The following SCAMP2 variants were observed in gnomAD, a reference collection of about 807,000 sequenced individuals.
SCAMP2 encodes the protein secretory carrier-associated membrane protein 2.
In SCAMP2, 25 loss-of-function variants were observed where a neutral mutation model predicts 44.1. The ratio of observed to expected loss-of-function variants is 0.57; its 90% CI spans 0.41 to 0.79. The LOEUF (loss-of-function observed/expected upper bound fraction) is 0.79, where lower values mean the gene tolerates loss of function less well. Among genes scored for constraint, SCAMP2 ranks in the 30% least tolerant of loss-of-function variants. The pLI is 0.00. For missense variants in SCAMP2, 355 were observed against 411.0 expected, an observed-to-expected ratio of 0.86 and a Z score of 1.18; for synonymous variants, 156 against 166.0, an observed-to-expected ratio of 0.94 and a Z score of 0.46.
At chr15:74,855,873 G>A (rs1169127579) in intron 1 of SCAMP2, among the ~76,000 whole-genome samples, 2 of 152,118 alleles carry the variant, frequency 1.3e-5, no homozygotes, top group African/African-American at 4.8e-5. Flanking sequence ...GGTTTCGGGG[G>A]TTTTTTAAAG....
chr15:74,850,256 A>ACC (rs1181086438), intron 6 of SCAMP2, among the ~76,000 whole-genome samples: 1 of 152,148 alleles, frequency 6.6e-6, no homozygotes. Flanking sequence ...GAGCAGTGGG[A>ACC]TGGGAGGTCC....
intron 7 of SCAMP2, among the ~76,000 whole-genome samples, chr15:74,847,908 G>C (rs2064410336): frequency 6.6e-6 from 1 of 152,174 alleles, no homozygotes; most frequent in Non-Finnish European, 1.5e-5. Context: ...TTGCAGCTCA[G>C]AGTCTGCAAA....
chr15:74,853,394 C>G (rs1478571000), intron 3 of SCAMP2: 1 of 456,434 alleles, frequency 2.2e-6, no homozygotes, highest in East Asian at 6.9e-5. Flanking sequence ...ATGTAGCTGT[C>G]TCTGAGAATA....
chr15:74,873,118 C>G (rs1029761457), intron 1 of SCAMP2, 81 bp downstream of exon 1: 4 of 1,251,464 alleles, frequency 3.2e-6, no homozygotes, highest in South Asian at 3.7e-5. Flanking sequence ...CGCCACGTCT[C>G]CCGGCTCTAG....
At chr15:74,857,985 T>C (rs941386494) in intron 1 of SCAMP2, among the ~76,000 whole-genome samples, 2 of 152,180 alleles carry the variant, frequency 1.3e-5, no homozygotes, top group Non-Finnish European at 2.9e-5. Context: ...GGCACCTGCA[T>C]CACAGCAGTA....
Position 74,852,202 on chromosome 15 carries a change from G to A in SCAMP2, c.226-16C>T, listed in dbSNP as rs2305667. The A allele has an allele frequency of 0.08, 117,318 of 1,470,626 alleles. 9,611 individuals are homozygous for A. The highest frequency in any genetic ancestry group is 0.34 in the South Asian group (25,065 of 72,820). 91.1% of individuals were successfully genotyped at this position (1,470,626 alleles called of 1,614,324 possible). A position where few individuals can be genotyped will look rare whatever the true frequency, so the allele number is the denominator to read the frequency against. ...ACACCACGGCCTGGAGAGAACAGGG[G>A]AGGTACAGGGACAGCCAGACACAAC... On this transcript the variant is annotated splice_polypyrimidine_tract_variant and intron_variant, in intron 3 of 8. Coordinates refer to ENST00000268099, the MANE Select transcript of SCAMP2 (RefSeq NM_005697.5).
chr15:74,844,924 G>A lies in SCAMP2; in HGVS notation c.*159C>T, dbSNP rs2064384285. 1.5e-5 allele frequency: 12 copies of A among 775,238 alleles called. No individual in the cohort carries two copies. Among genetic ancestry groups the A allele is most frequent in the South Asian group, 6.1e-5 (3 of 48,894 alleles). The allele number at this position is 775,238 out of a possible 1,614,324, so 48.0% of individuals were successfully genotyped here. A position where few individuals can be genotyped will look rare whatever the true frequency, so the allele number is the denominator to read the frequency against. Reference sequence around the variant, plus strand: ...GGGGAAAAAATTCCCTGTCCCTCCCGTTCCAGGGAGAGCTGGTCGCTGAGG... The same window carrying A: ...GGGGAAAAAATTCCCTGTCCCTCCCATTCCAGGGAGAGCTGGTCGCTGAGG... On this transcript the variant is annotated 3_prime_UTR_variant, in exon 9 of 9. Coordinates refer to ENST00000268099, the MANE Select transcript of SCAMP2 (RefSeq NM_005697.5).
intron 1 of SCAMP2, among the ~76,000 whole-genome samples, chr15:74,867,440 C>T (rs529264419): frequency 6.6e-6 from 1 of 152,334 alleles, no homozygotes; most frequent in South Asian, 2.1e-4. Context: ...GCTCCAGGTG[C>T]CAACCATAAA....
intron 1 of SCAMP2, among the ~76,000 whole-genome samples, chr15:74,863,955 G>GACC (rs1257473218): frequency 1.3e-5 from 2 of 152,214 alleles, no homozygotes; most frequent in Non-Finnish European, 2.9e-5. Context: ...TACTGAGCTG[G>GACC]AATCTGAGTT....
In SCAMP2 at chr15:74,857,719, T is replaced by G. The variant is rs568495203; in HGVS notation, c.58-3070A>C. Among the ~76,000 whole-genome samples the G allele has an allele frequency of 1.4e-4, 22 of 152,284 alleles. No homozygotes were observed. In the South Asian group the frequency reaches 4.6e-3, roughly 32 times the overall value. ...GCCCTGTCCACTCTGATCCCTCCCT[T>G]TTTCCTAAAATCTTAAAGACATGGC... On this transcript the variant is annotated intron_variant, in intron 1 of 8. Coordinates refer to ENST00000268099, the MANE Select transcript of SCAMP2 (RefSeq NM_005697.5).
chr15:74,854,779 G>T, intron 1 of SCAMP2, 130 bp from the exon 2 acceptor site: 1 of 751,260 alleles, frequency 1.3e-6, no homozygotes, highest in Non-Finnish European at 2.2e-6. Flanking sequence ...AAGCCTCTCT[G>T]GAAGGGTCCT....
intron 1 of SCAMP2, among the ~76,000 whole-genome samples, chr15:74,862,897 C>CAT (rs1555475209): frequency 7.9e-6 from 1 of 127,252 alleles, no homozygotes; most frequent in Admixed American, 7.6e-5. Context: ...CACACACACA[C>CAT]ATATTTTTAA....
At chr15:74,872,898 A>G in intron 1 of SCAMP2, 1 of 361,662 alleles carries the variant, frequency 2.8e-6, no homozygotes, top group East Asian at 4.2e-5. Flanking sequence ...TGACGCTAGG[A>G]GACTTCCGGA....
chr15:74,865,406 A>G (rs1213689432), intron 1 of SCAMP2, among the ~76,000 whole-genome samples: 2 of 151,038 alleles, frequency 1.3e-5, no homozygotes, highest in East Asian at 3.9e-4. Context: ...AAAAGAAAAG[A>G]AAAAAGAAAG....
At chr15:74,851,332 G>C in intron 5 of SCAMP2, 21 bp downstream of exon 5, 1 of 1,610,456 alleles carries the variant, frequency 6.2e-7, no homozygotes, top group Non-Finnish European at 8.5e-7. Flanking sequence ...CTTGCGCTTG[G>C]AAGGCAGGAG....
chr15:74,854,686 G>A (rs1405909152), intron 1 of SCAMP2, 37 bp from the exon 2 acceptor site: 2 of 1,566,370 alleles, frequency 1.3e-6, no homozygotes, highest in Admixed American at 1.9e-5. Flanking sequence ...ACACAGTGGA[G>A]AAAATCCGGG....
At chr15:74,851,982 G>C in intron 4 of SCAMP2, 87 bp downstream of exon 4, 1 of 841,034 alleles carries the variant, frequency 1.2e-6, no homozygotes, top group Non-Finnish European at 1.8e-6. Flanking sequence ...GCAGCTCAGG[G>C]TGAATGCTGG....
At position 74,844,875 on chromosome 15, in the gene SCAMP2, CTTTG is replaced by C. The variant is rs995127393; in HGVS notation, c.*204_*207del. ...ACCATCACCAGAGAAGGAAAGAGAG[CTTTG>C]TTTTTTTTTGTACATAGAGGGGGAA... is the stretch of plus-strand genomic sequence containing the variant. On this transcript the variant is annotated 3_prime_UTR_variant, in exon 9 of 9. Coordinates refer to ENST00000268099, the MANE Select transcript of SCAMP2 (RefSeq NM_005697.5). 1 of 549,202 alleles carries C rather than the reference CTTTG, an allele frequency of 1.8e-6. No individual in the cohort carries two copies. The highest frequency in any genetic ancestry group is 1.9e-5 in the African/African-American group (1 of 51,606). 34.0% of individuals were successfully genotyped at this position (549,202 alleles called of 1,614,324 possible). A position where few individuals can be genotyped will look rare whatever the true frequency, so the allele number is the denominator to read the frequency against.
chr15:74,871,257 C>T (rs1206121853), intron 1 of SCAMP2, among the ~76,000 whole-genome samples: 2 of 151,842 alleles, frequency 1.3e-5, no homozygotes, highest in Non-Finnish European at 2.9e-5. Flanking sequence ...ATTTCGAGAC[C>T]AGCTTGGGCA....
Sources: gnomAD v4.1 joint callset for allele counts (sites outside exome capture counted in the v4.1 genomes callset) on GRCh38, gnomAD v4.1.1 for gene constraint, MANE v1.5 for transcripts, NCBI Gene and HGNC (gene_info 2026-07-23, HGNC 2026-07-21) for gene names.